Variants in ARR3 observed in about 807,000 individuals in gnomAD.
ARR3 encodes arrestin-C.
Under a neutral mutation model 35.4 loss-of-function variants are expected in ARR3, and 14 were observed. That is an observed-to-expected ratio of 0.40 (90% CI 0.26 to 0.62). The LOEUF (loss-of-function observed/expected upper bound fraction) is 0.62. Ranked by LOEUF, ARR3 falls within the 20% of genes least tolerant of loss-of-function variation. ARR3 has a pLI of 0.46. For missense variants in ARR3, 259 were observed against 303.8 expected, an observed-to-expected ratio of 0.85 and a Z score of 1.10; for synonymous variants, 97 against 119.1, an observed-to-expected ratio of 0.81 and a Z score of 1.21.
intron 8 of ARR3, 58 bp downstream of exon 8, chrX:70,276,794 C>T (rs1053076081): frequency 5.6e-6 from 6 of 1,070,090 alleles, no homozygotes; most frequent in Non-Finnish European, 6.4e-6. Flanking sequence ...GAAACAGATC[C>T]TGCTCTCATG....
At chrX:70,270,245 G>A (rs1013180228) in intron 5 of ARR3, 101 bp downstream of exon 5, 13 of 912,893 alleles carry the variant, frequency 1.4e-5, no homozygotes, top group Admixed American at 2.4e-5. Context: ...CAGGAACTGC[G>A]AATGCCTTCT....
chrX:70,279,536 C>T (rs189873555), intron 12 of ARR3, among the ~76,000 whole-genome samples: 1 of 112,727 alleles, frequency 8.9e-6, no homozygotes, highest in Non-Finnish European at 1.9e-5. Context: ...CTTTCCTATG[C>T]TAAGCAATGT....
downstream of ARR3, chrX:70,281,873 G>T: frequency 4.6e-6 from 3 of 654,515 alleles, no homozygotes. Context: ...CCTCTTCCTG[G>T]AGGGTCACGG....
intron 5 of ARR3, among the ~76,000 whole-genome samples, chrX:70,274,335 G>A (rs1204335190): frequency 1.8e-5 from 2 of 109,445 alleles, no homozygotes; most frequent in Non-Finnish European, 3.8e-5. Flanking sequence ...CTGAGTAGCT[G>A]GAATTACAGG....
In ARR3 at chrX:70,280,540, G is replaced by C; in HGVS notation, c.990-19G>C. ...TCTCTATTTCCCGCTGCTAATTTTG[G>C]GTGTCATTCTACCCACAGCATCCTA... On this transcript the variant is annotated intron_variant, in intron 13 of 16. Transcript: ENST00000307959. 1.7e-6 allele frequency: 2 copies of C among 1,189,471 alleles called. No individual in the cohort carries two copies. Among genetic ancestry groups the C allele is most frequent in the Non-Finnish European group, 2.3e-6 (2 of 885,259 alleles).
Position 70,278,548 on chromosome X carries a change from T to C in ARR3, c.812T>C (p.Val271Ala). 8.3e-7 allele frequency: 1 copy of C among 1,211,756 alleles called. No individual in the cohort carries two copies. The highest frequency in any genetic ancestry group is 1.8e-5 in the South Asian group (1 of 56,944). ...ANSSFSQSFA[V>A]TPILAASCQK... ...TCCAGCTTCTCCCAGAGCTTTGCAGTAACCCCAATCCTGGCTGCCAGCTGC... is the reference window on the plus strand; with the variant it reads ...TCCAGCTTCTCCCAGAGCTTTGCAGCAACCCCAATCCTGGCTGCCAGCTGC... Residue 271 changes from valine to alanine, a missense_variant, in exon 12 of 17, where the codon GTA becomes GCA. Transcript: ENST00000307959.
intron 9 of ARR3, 68 bp downstream of exon 9, chrX:70,277,597 T>C: frequency 8.4e-7 from 1 of 1,186,900 alleles, no homozygotes; most frequent in Non-Finnish European, 1.1e-6. Context: ...ACTGATTTCC[T>C]ACTTGGGCAG....
rs2085623003 is a variant in ARR3, at chrX:70,269,857, G to A, written c.54G>A (p.Leu18=). ...TTCCACAACAGCTCTCCATCTACCT[G>A]GGGAAACGGGACTTCGTGGACCATG... ...TSSNGKLSIY[L]GKRDFVDHVD... is the part of the protein sequence containing the mutation. Residue 18 remains leucine (L), a synonymous_variant, in exon 4 of 17, where the codon CTG becomes CTA. Transcript: ENST00000307959. The A allele has an allele frequency of 8.3e-7, 1 of 1,209,159 alleles. No individual in the cohort carries two copies. The highest frequency in any genetic ancestry group is 3.0e-5 in the East Asian group (1 of 33,749).
chrX:70,272,549 C>T (rs1037773108), intron 5 of ARR3, among the ~76,000 whole-genome samples: 21 of 112,315 alleles, frequency 1.9e-4, no homozygotes, highest in South Asian at 1.1e-3. Flanking sequence ...GATACCACAA[C>T]GCCCTGTAAT....
intron 5 of ARR3, among the ~76,000 whole-genome samples, chrX:70,275,110 C>T (rs553475505): frequency 5.3e-5 from 6 of 112,362 alleles, no homozygotes; most frequent in African/African-American, 1.6e-4. Context: ...AACAAAAGCT[C>T]CTTTAAAGTC....
Position 70,277,664 on chromosome X carries a change from C to T in ARR3, c.610-52C>T. ...TAAGGAAGCAGGGGTTCTAGGTCTCCATCTGCGTATTCGTCCTCCAGCCTT... is the reference window on the plus strand; with the variant it reads ...TAAGGAAGCAGGGGTTCTAGGTCTCTATCTGCGTATTCGTCCTCCAGCCTT... On this transcript the variant is annotated intron_variant, in intron 9 of 16. Coordinates refer to ENST00000307959, the MANE Select transcript of ARR3 (RefSeq NM_004312.3). 4.2e-6 allele frequency: 5 copies of T among 1,180,905 alleles called. No individual in the cohort carries two copies. In the South Asian group the frequency reaches 7.3e-5, roughly 17 times the overall value.
chrX:70,276,017 A>G, intron 5 of ARR3, 65 bp from the exon 6 acceptor site: 2 of 1,122,310 alleles, frequency 1.8e-6, no homozygotes, highest in South Asian at 1.9e-5. Flanking sequence ...TGTCTTCTTG[A>G]CCCAGTTAAG....
chrX:70,280,483 C>A (rs1384710558), intron 13 of ARR3, 76 bp from the exon 14 acceptor site: 2 of 1,087,948 alleles, frequency 1.8e-6, no homozygotes, highest in African/African-American at 3.7e-5. Flanking sequence ...GTCTTATGAT[C>A]CCTCATCCCC....
At chrX:70,278,713 T>C (rs1175531387) in intron 12 of ARR3, 72 bp downstream of exon 12, 1 of 1,131,555 alleles carries the variant, frequency 8.8e-7, no homozygotes, top group East Asian at 3.1e-5. Context: ...TTTACAGCTC[T>C]GAGGTTTCAT....
At chrX:70,270,287 C>T in intron 5 of ARR3, 143 bp downstream of exon 5, 1 of 613,821 alleles carries the variant, frequency 1.6e-6, no homozygotes, top group East Asian at 3.4e-5. Context: ...GAATTCCAGC[C>T]CAGTGTGGCC....
chrX:70,271,113 T>A (rs951105583), intron 5 of ARR3, among the ~76,000 whole-genome samples: 1 of 111,940 alleles, frequency 8.9e-6, no homozygotes, highest in Non-Finnish European at 1.9e-5. Flanking sequence ...AGAGGAACTT[T>A]GGGATAGACT....
rs1227037913 is a variant in ARR3, at chrX:70,269,912, G to A, written c.100+9G>A. The A allele has an allele frequency of 8.3e-7, 1 of 1,206,459 alleles. No homozygotes were observed. On this transcript the variant is annotated intron_variant, in intron 4 of 16. Coordinates refer to ENST00000307959, the MANE Select transcript of ARR3 (RefSeq NM_004312.3). ...CACGGTGGAACCCATTGGTCAGTGA[G>A]TCCAAAAAAGGGAAGCCTGGGGAAA...
chrX:70,280,432 A>ATAT, intron 13 of ARR3, 127 bp from the exon 14 acceptor site: 1 of 973,507 alleles, frequency 1.0e-6, no homozygotes, highest in South Asian at 2.3e-5. Flanking sequence ...TGAGCAAGTC[A>ATAT]CTTTCCCTTC....
At chrX:70,275,659 C>CTTT (rs35378424) in intron 5 of ARR3, among the ~76,000 whole-genome samples, 5 of 42,036 alleles carry the variant, frequency 1.2e-4, no homozygotes, top group African/African-American at 1.9e-4. Context: ...AGCCTTCAAT[C>CTTT]TTTTTTTTTT....
Sources: gnomAD v4.1 joint callset for allele counts (sites outside exome capture counted in the v4.1 genomes callset) on GRCh38, gnomAD v4.1.1 for gene constraint, MANE v1.5 for transcripts, NCBI Gene and HGNC (gene_info 2026-07-23, HGNC 2026-07-21) for gene names.